EME1: variants seen among roughly 807,000 people sequenced by gnomAD.
EME1 encodes structure-specific endonuclease subunit EME1.
A neutral mutation model predicts 59.1 loss-of-function variants in EME1; 61 were observed. That is an observed-to-expected ratio of 1.03 (90% CI 0.84 to 1.28). EME1 has a LOEUF of 1.28. EME1 is among the 50% of genes most tolerant of loss of function. EME1 has a pLI of 0.00. For synonymous variants in EME1, 230 were observed against 254.2 expected (o/e 0.90, Z 0.90); for missense variants, 635 against 682.6 (o/e 0.93, Z 0.78).
At chr17:50,375,091 T>A in intron 1 of EME1, 94 bp from the exon 2 acceptor site, 1 of 948,696 alleles carries the variant, frequency 1.1e-6, no homozygotes, top group South Asian at 1.6e-5. Flanking sequence ...ATTCTCTATA[T>A]CTTATATTTA....
At chr17:50,379,722 T>C in intron 7 of EME1, 155 bp downstream of exon 7, 3 of 641,576 alleles carry the variant, frequency 4.7e-6, no homozygotes, top group South Asian at 3.9e-5. Context: ...CTGGGGATTC[T>C]TGGGAAGAGT....
At chr17:50,380,587 C>A in intron 8 of EME1, 86 bp downstream of exon 8, 2 of 1,553,464 alleles carry the variant, frequency 1.3e-6, no homozygotes, top group Admixed American at 1.7e-5. Context: ...CTGTTGAGGG[C>A]CCACAAAGGC....
rs1913756764 is a variant in EME1, at chr17:50,380,490, C to G, written c.1525C>G (p.Leu509Val). 9 of 1,613,746 alleles carry G rather than the reference C, an allele frequency of 5.6e-6. No individual in the cohort carries two copies. The East Asian group carries it at 1.8e-4, about 32-fold the overall frequency. ...AVVNAYPSPQ[L>V]LVQAYQQCFS... ...TGTGAATGCCTATCCCTCCCCACAGCTCCTGGTACAGGTATGCTGCTCCAG... is the reference window on the plus strand; with the variant it reads ...TGTGAATGCCTATCCCTCCCCACAGGTCCTGGTACAGGTATGCTGCTCCAG... The change falls in exon 8 of 9, where the codon CTC becomes GTC. Residue 509 changes from leucine (L) to valine (V), a missense_variant. Transcript: ENST00000338165.
In EME1 at chr17:50,378,616, G is replaced by A. The variant is rs1158548053; in HGVS notation, c.925G>A (p.Glu309Lys). 2 of 1,613,804 alleles carry A rather than the reference G, an allele frequency of 1.2e-6. No homozygotes were observed. The highest frequency in any genetic ancestry group is 1.7e-4 in the Middle Eastern group (1 of 5,934). ...GCAGGACAGAGAGGACTGGGTGGAG[G>A]AGCCAACAGTACTGGTGTTGCTCCG... ...PSEDREDWVE[E>K]PTVLVLLRAE... Residue 309 changes from glutamate to lysine, a missense_variant, in exon 4 of 9, where the codon GAG (glutamate) becomes AAG (lysine). By Grantham distance (56) the Glu-to-Lys change is moderately conservative (BLOSUM62 1). Coordinates refer to ENST00000338165, the MANE Select transcript of EME1 (RefSeq NM_152463.4).
intron 1 of EME1, among the ~76,000 whole-genome samples, chr17:50,374,908 G>A (rs181448090): frequency 1.3e-5 from 2 of 151,906 alleles, no homozygotes; most frequent in African/African-American, 2.4e-5. Flanking sequence ...AGGGGTTGGA[G>A]GTGTTAAATC....
In EME1 at chr17:50,379,705, C is replaced by T. The variant is rs1913689155; in HGVS notation, c.1346+138C>T. 4.2e-6 allele frequency: 3 copies of T among 710,798 alleles called. No individual in the cohort carries two copies. The East Asian group carries it at 8.2e-5, about 19-fold the overall frequency. The allele number at this position is 710,798 out of a possible 1,614,324, so 44.0% of individuals were successfully genotyped here. A position where few individuals can be genotyped will look rare whatever the true frequency, so the allele number is the denominator to read the frequency against. On this transcript the variant is annotated intron_variant, in intron 7 of 8. Transcript: ENST00000338165. ...TCAAGCTTGAGGCAGAAGGAGCTGA[C>T]CTCACACTGGGGATTCTTGGGAAGA...
Position 50,380,341 on chromosome 17 carries a change from T to C in EME1, c.1376T>C (p.Phe459Ser). ...KKLRDETTFSFCLESDWAGGV... is the reference protein window; with the variant it reads ...KKLRDETTFSSCLESDWAGGV... ...CTCCGAGATGAAACTACCTTCTCCT[T>C]CTGTCTGGAGAGTGACTGGGCTGGA... Residue 459 changes from phenylalanine (F) to serine (S), a missense_variant, in exon 8 of 9, where the codon TTC (phenylalanine) becomes TCC (serine). Coordinates refer to ENST00000338165, the MANE Select transcript of EME1 (RefSeq NM_152463.4). 6.2e-7 allele frequency: 1 copy of C among 1,612,740 alleles called. No homozygotes were observed. Among genetic ancestry groups the C allele is most frequent in the Non-Finnish European group, 8.5e-7 (1 of 1,179,330 alleles).
chr17:50,375,476 G>A lies in EME1; in HGVS notation c.268G>A (p.Glu90Lys), dbSNP rs770711136. 2 of 1,613,940 alleles carry A rather than the reference G, an allele frequency of 1.2e-6. No individual in the cohort carries two copies. Among genetic ancestry groups the A allele is most frequent in the Admixed American group, 1.7e-5 (1 of 59,978 alleles). ...VRLLSSESEDEEEFIPLAQRL... is the reference protein window; with the variant it reads ...VRLLSSESEDKEEFIPLAQRL... ...GTTGCTAAGCAGTGAAAGTGAAGAT[G>A]AAGAAGAATTTATTCCTCTGGCTCA... is the stretch of plus-strand genomic sequence containing the variant. The change falls in exon 2 of 9, where the codon GAA (glutamate) becomes AAA (lysine). Residue 90 changes from glutamate (E) to lysine (K), a missense_variant. Transcript: ENST00000338165.
At chr17:50,373,307 T>C in intron 1 of EME1, 30 bp downstream of exon 1, 4 of 1,216,570 alleles carry the variant, frequency 3.3e-6, no homozygotes, top group Non-Finnish European at 4.7e-6. Context: ...GGCCTGCGGA[T>C]TGGGCAGGGC....
Position 50,380,495 on chromosome 17 carries a change from G to A in EME1, c.1530G>A (p.Leu510=), listed in dbSNP as rs747296153. 1.4e-5 allele frequency: 23 copies of A among 1,613,432 alleles called. No individual in the cohort carries two copies. Among genetic ancestry groups the A allele is most frequent in the Non-Finnish European group, 1.8e-5 (21 of 1,180,000 alleles). Reference sequence around the variant, plus strand: ...ATGCCTATCCCTCCCCACAGCTCCTGGTACAGGTATGCTGCTCCAGGGCTC... The same window carrying A: ...ATGCCTATCCCTCCCCACAGCTCCTAGTACAGGTATGCTGCTCCAGGGCTC... ...VVNAYPSPQL[L]VQAYQQCFSD... is the part of the protein sequence containing the mutation. Residue 510 remains leucine (L), a synonymous_variant, in exon 8 of 9, where the codon CTG becomes CTA. Transcript: ENST00000338165.
Position 50,380,452 on chromosome 17 carries a change from T to C in EME1, c.1487T>C (p.Met496Thr), listed in dbSNP as rs1464398769. 3.1e-6 allele frequency: 5 copies of C among 1,614,134 alleles called. No homozygotes were observed. Among genetic ancestry groups the C allele is most frequent in the South Asian group, 1.1e-5 (1 of 91,076 alleles). Residue 496 changes from methionine to threonine, a missense_variant, in exon 8 of 9, where the codon ATG (methionine) becomes ACG (threonine). Transcript: ENST00000338165. ...IQQLNRVSLEMASAVVNAYPS... is the reference protein window; with the variant it reads ...IQQLNRVSLETASAVVNAYPS... ...CAGCTGAACCGAGTCAGCCTGGAAATGGCCAGTGCAGTTGTGAATGCCTAT... is the reference window on the plus strand; with the variant it reads ...CAGCTGAACCGAGTCAGCCTGGAAACGGCCAGTGCAGTTGTGAATGCCTAT...
intron 3 of EME1, among the ~76,000 whole-genome samples, chr17:50,376,626 C>G (rs1304118756): frequency 6.6e-6 from 1 of 152,174 alleles, no homozygotes; most frequent in Non-Finnish European, 1.5e-5. Context: ...GGTTGAGAAC[C>G]ATTGGCATAG....
At chr17:50,380,723 A>G in intron 8 of EME1, 40 bp from the exon 9 acceptor site, 2 of 1,612,030 alleles carry the variant, frequency 1.2e-6, no homozygotes, top group East Asian at 4.5e-5. Flanking sequence ...AGGGATCACC[A>G]TGGATGGTAC....
rs1371712482 is a variant in EME1 at position 50,380,956 on chromosome 17, T to C, written c.*17T>C. 1 of 1,611,980 alleles carries C rather than the reference T, an allele frequency of 6.2e-7. No homozygotes were observed. The highest frequency in any genetic ancestry group is 2.2e-5 in the East Asian group (1 of 44,814). ...GCTGACTGATTCTAGCCCTCAGGGATGAGGATGAAAAGCTGGAAACTTCCA... is the reference window on the plus strand; with the variant it reads ...GCTGACTGATTCTAGCCCTCAGGGACGAGGATGAAAAGCTGGAAACTTCCA... On this transcript the variant is annotated 3_prime_UTR_variant, in exon 9 of 9. Transcript: ENST00000338165.
At chr17:50,374,375 C>T (rs1256045817) in intron 1 of EME1, among the ~76,000 whole-genome samples, 1 of 152,110 alleles carries the variant, frequency 6.6e-6, no homozygotes, top group Non-Finnish European at 1.5e-5. Context: ...GTATCTGGGA[C>T]TACAGGTGTG....
chr17:50,377,900 C>T (rs1913556799), intron 3 of EME1, among the ~76,000 whole-genome samples: 1 of 151,878 alleles, frequency 6.6e-6, no homozygotes, highest in African/African-American at 2.4e-5. Flanking sequence ...GGATTACAGG[C>T]GTGTACCACC....
intron 7 of EME1, 139 bp downstream of exon 7, chr17:50,379,706 C>T (rs1913689411): frequency 2.8e-6 from 2 of 707,042 alleles, no homozygotes; most frequent in Non-Finnish European, 4.7e-6. Context: ...AGGAGCTGAC[C>T]TCACACTGGG....
At position 50,380,809 on chromosome 17, in the gene EME1, C is replaced by T; in HGVS notation, c.1583C>T (p.Ala528Val). 6.2e-7 allele frequency: 1 copy of T among 1,614,142 alleles called. No individual in the cohort carries two copies. Among genetic ancestry groups the T allele is most frequent in the Non-Finnish European group, 8.5e-7 (1 of 1,180,010 alleles). Residue 528 changes from alanine (A) to valine (V), a missense_variant, in exon 9 of 9, where the codon GCA becomes GTA. Ala to Val is a moderately conservative substitution (Grantham distance 64, BLOSUM62 0). Transcript: ENST00000338165. ...FSDKERQNLL[A>V]DIQVRRGEGV... The stretch of plus-strand genomic sequence containing the variant: ...GATAAAGAACGCCAGAATTTGCTCG[C>T]AGACATACAGGTGCGCCGTGGGGAA...
chr17:50,380,689 T>C, intron 8 of EME1, 74 bp from the exon 9 acceptor site: 9 of 1,598,224 alleles, frequency 5.6e-6, no homozygotes, highest in Non-Finnish European at 7.7e-6. Context: ...AAGCCAAGCG[T>C]AGCACCCTCC....
Sources: gnomAD v4.1 joint callset for allele counts (sites outside exome capture counted in the v4.1 genomes callset) on GRCh38, gnomAD v4.1.1 for gene constraint, MANE v1.5 for transcripts, NCBI Gene and HGNC (gene_info 2026-07-23, HGNC 2026-07-21) for gene names.